The following STK11IP variants were observed in gnomAD, a reference collection of about 807,000 sequenced individuals.
The protein encoded by STK11IP is serine/threonine kinase 11 interacting protein.
STK11IP carries 103 observed loss-of-function variants against 131.7 expected under a neutral mutation model. That is an observed-to-expected ratio of 0.78 (90% CI 0.67 to 0.92). The LOEUF is 0.92. Ranked by LOEUF, STK11IP falls within the 40% of genes least tolerant of loss-of-function variation. The pLI is 0.00. For missense variants in STK11IP, 1,315 were observed against 1,385.7 expected (o/e 0.95, Z 0.81); for synonymous variants, 557 against 575.6 (o/e 0.97, Z 0.46).
In STK11IP at chr2:219,601,626, T is replaced by TG. The variant is rs761461865; in HGVS notation, c.268-15_268-14insG. The TG allele has an allele frequency of 1.0e-5, 16 of 1,560,102 alleles. No homozygotes were observed. Among genetic ancestry groups the TG allele is most frequent in the Non-Finnish European group, 1.2e-5 (14 of 1,151,900 alleles). On this transcript the variant is annotated splice_polypyrimidine_tract_variant and intron_variant, in intron 3 of 24. Coordinates refer to ENST00000456909, the MANE Select transcript of STK11IP (RefSeq NM_052902.4). ...TGCTGTGCCTCAGTAAATTGAGTTT[T>TG]TTTTTTTTTTTCAGCTGGTCCATGT...
In STK11IP at chr2:219,602,452, C is replaced by A; in HGVS notation, c.439-16C>A. The A allele has an allele frequency of 6.3e-7, 1 of 1,591,502 alleles. No homozygotes were observed. Among genetic ancestry groups the A allele is most frequent in the Non-Finnish European group, 8.6e-7 (1 of 1,160,782 alleles). On this transcript the variant is annotated splice_polypyrimidine_tract_variant and intron_variant, in intron 5 of 24. Transcript: ENST00000456909. ...AGGGGAGGGTGGGGTAATGAAGCAC[C>A]CATCTGTCTGCTCAGGAGCTCCTCT...
chr2:219,602,498 T>C lies in STK11IP; in HGVS notation c.469T>C (p.Cys157Arg), dbSNP rs775781511. Residue 157 changes from cysteine to arginine, a missense_variant, in exon 6 of 25, where the codon TGC becomes CGC. Cys to Arg is a radical substitution (Grantham distance 180). Transcript: ENST00000456909. ...ELLSACGGDF[C>R]SALPWLALLS... ...CCTCTCAGCCTGCGGCGGCGACTTC[T>C]GCTCTGCCCTCCCTTGGCTGGCTCT... 4.3e-6 allele frequency: 7 copies of C among 1,613,882 alleles called. No homozygotes were observed. The highest frequency in any genetic ancestry group is 5.9e-6 in the Non-Finnish European group (7 of 1,179,886).
intron 19 of STK11IP, 66 bp from the exon 20 acceptor site, chr2:219,613,062 C>A: frequency 1.5e-6 from 2 of 1,374,248 alleles, no homozygotes; most frequent in Non-Finnish European, 2.0e-6. Context: ...AGGAACTCGG[C>A]TTTCAGTCTG....
rs1263329102 is a variant in STK11IP at position 219,601,674 on chromosome 2, C to T, written c.301C>T (p.Pro101Ser). The change falls in exon 4 of 25, where the codon CCC (proline) becomes TCC (serine). Residue 101 changes from proline to serine, a missense_variant. Coordinates refer to ENST00000456909, the MANE Select transcript of STK11IP (RefSeq NM_052902.4). ...TGTTGCTGGTCCTGGCCCCACAGGG[C>T]CCATCAAGATTTTCCCCTTCAAATC... Reference protein sequence around the residue: ...VHVAGPGPTGPIKIFPFKSLR... With the variant: ...VHVAGPGPTGSIKIFPFKSLR... 3.7e-6 allele frequency: 6 copies of T among 1,601,482 alleles called. No homozygotes were observed. The highest frequency in any genetic ancestry group is 2.6e-6 in the Non-Finnish European group (3 of 1,174,568).
Position 219,615,236 on chromosome 2 carries a change from G to C in STK11IP, c.3012G>C (p.Pro1004=), listed in dbSNP as rs377313932. 7.5e-6 allele frequency: 12 copies of C among 1,595,056 alleles called. No individual in the cohort carries two copies. Among genetic ancestry groups the C allele is most frequent in the East Asian group, 6.7e-5 (3 of 44,480 alleles). ...CTGAGAAGGTGCCTCCCTCGGGGCCGGGCCCTGCTGTGCGTGTCAGGGAGC... is the reference window on the plus strand; with the variant it reads ...CTGAGAAGGTGCCTCCCTCGGGGCCCGGCCCTGCTGTGCGTGTCAGGGAGC... ...EASEKVPPSG[P]GPAVRVREQQ... Residue 1004 remains proline, a synonymous_variant, in exon 24 of 25, where the codon CCG becomes CCC. Coordinates refer to ENST00000456909, the MANE Select transcript of STK11IP (RefSeq NM_052902.4).
chr2:219,612,371 C>T (rs373670440), intron 19 of STK11IP, among the ~76,000 whole-genome samples: 4 of 152,210 alleles, frequency 2.6e-5, no homozygotes, highest in South Asian at 2.1e-4. Context: ...CACATGATGT[C>T]GTTAGGCCTT....
chr2:219,602,893 C>T, intron 7 of STK11IP, 117 bp downstream of exon 7: 1 of 988,796 alleles, frequency 1.0e-6, no homozygotes. Context: ...GGTGGAGCTG[C>T]ATTCTGGGAG....
At position 219,607,736 on chromosome 2, in the gene STK11IP, G is replaced by A. The variant is rs144594548; in HGVS notation, c.1220-311G>A. Among the ~76,000 whole-genome samples, 195 of 152,216 alleles carry A rather than the reference G, an allele frequency of 1.3e-3. 1 individual carries two copies. The highest frequency in any genetic ancestry group is 4.5e-3 in the African/African-American group (188 of 41,528). ...ATAAAATAATAGGATTGTGGCCAGA[G>A]AAGTTTGAGAAATGTGAGGTTGAAG... is the stretch of plus-strand genomic sequence containing the variant. On this transcript the variant is annotated intron_variant, in intron 13 of 24. Coordinates refer to ENST00000456909, the MANE Select transcript of STK11IP (RefSeq NM_052902.4).
chr2:219,605,441 T>C, intron 7 of STK11IP, 167 bp from the exon 8 acceptor site: 1 of 645,058 alleles, frequency 1.6e-6, no homozygotes. Context: ...GTGCTGGTGT[T>C]GTTCAAGTCT....
In STK11IP at chr2:219,601,326, A is replaced by G. The variant is rs543870019; in HGVS notation, c.153A>G (p.Pro51=). The G allele has an allele frequency of 1.5e-5, 24 of 1,614,050 alleles. No individual in the cohort carries two copies. In the East Asian group the frequency reaches 4.2e-4, roughly 28 times the overall value. ...LNHVFELHLG[P]WGPGQTGFVA... is the part of the protein sequence containing the mutation. ...ACGTATTTGAGCTGCACCTGGGGCC[A>G]TGGGGCCCTGGCCAGACAGGCTTTG... Residue 51 remains proline, a synonymous_variant, in exon 3 of 25, where the codon CCA becomes CCG. Coordinates refer to ENST00000456909, the MANE Select transcript of STK11IP (RefSeq NM_052902.4).
rs201253890 is a variant in STK11IP, at chr2:219,605,733, T to G, written c.744T>G (p.His248Gln). The change falls in exon 8 of 25, where the codon CAT (histidine) becomes CAG (glutamine). Residue 248 changes from histidine to glutamine, a missense_variant and splice_region_variant. Coordinates refer to ENST00000456909, the MANE Select transcript of STK11IP (RefSeq NM_052902.4). ...GAGGCAATGAGCTTCGGAGCCTGCA[T>G]GGTGAGTGGGGGTGTGTGATGGGGC... ...ILRGNELRSL[H>Q]GLEQLRNLRH... 119 of 1,596,700 alleles carry G rather than the reference T, an allele frequency of 7.5e-5. No individual in the cohort carries two copies. The highest frequency in any genetic ancestry group is 5.0e-5 in the Non-Finnish European group (59 of 1,172,126).
Position 219,615,250 on chromosome 2 carries a change from G to A in STK11IP, c.3026G>A (p.Arg1009His), listed in dbSNP as rs1191092033. ...VPPSGPGPAV[R>H]VREQQPLSSL... ...CCCTCGGGGCCGGGCCCTGCTGTGC[G>A]TGTCAGGGAGCAGCAGCCACTCAGC... Residue 1009 changes from arginine (R) to histidine (H), a missense_variant, in exon 24 of 25, where the codon CGT becomes CAT. Coordinates refer to ENST00000456909, the MANE Select transcript of STK11IP (RefSeq NM_052902.4). 7 of 1,596,978 alleles carry A rather than the reference G, an allele frequency of 4.4e-6. No homozygotes were observed. Among genetic ancestry groups the A allele is most frequent in the Non-Finnish European group, 4.2e-6 (5 of 1,176,946 alleles).
In STK11IP at chr2:219,608,742, C is replaced by T; in HGVS notation, c.1763C>T (p.Ala588Val). The T allele has an allele frequency of 6.2e-7, 1 of 1,612,146 alleles. No individual in the cohort carries two copies. The highest frequency in any genetic ancestry group is 8.5e-7 in the Non-Finnish European group (1 of 1,179,376). ...ERLELQSLEAAEIEPEAQAQR... is the reference protein window; with the variant it reads ...ERLELQSLEAVEIEPEAQAQR... ...CTGGAGCTCCAGAGTCTGGAGGCAGCTGAGATAGAGCCGGAGGCCCAGGCC... is the reference window on the plus strand; with the variant it reads ...CTGGAGCTCCAGAGTCTGGAGGCAGTTGAGATAGAGCCGGAGGCCCAGGCC... Residue 588 changes from alanine (A) to valine (V), a missense_variant, in exon 15 of 25, where the codon GCT becomes GTT. Transcript: ENST00000456909.
At chr2:219,601,964 C>G in intron 4 of STK11IP, 24 bp from the exon 5 acceptor site, 1 of 1,589,112 alleles carries the variant, frequency 6.3e-7, no homozygotes, top group Non-Finnish European at 8.6e-7. Flanking sequence ...TTCTGCCTTC[C>G]TCCCTCCTCT....
chr2:219,609,045 C>G, intron 15 of STK11IP, 52 bp from the exon 16 acceptor site: 1 of 1,398,736 alleles, frequency 7.1e-7, no homozygotes, highest in East Asian at 2.5e-5. Context: ...CCCCTCATCC[C>G]TCTGATCACC....
At chr2:219,602,179 C>T in intron 5 of STK11IP, 96 bp downstream of exon 5, 1 of 911,682 alleles carries the variant, frequency 1.1e-6, no homozygotes, top group South Asian at 1.4e-5. Context: ...CTCCCTGCCT[C>T]CTGCTTCCCT....
chr2:219,598,140 C>A lies in STK11IP; in HGVS notation c.21C>A (p.Asp7Glu). The change falls in exon 2 of 25, where the codon GAC (aspartate) becomes GAA (glutamate). Residue 7 changes from aspartate (D) to glutamate (E), a missense_variant. Coordinates refer to ENST00000456909, the MANE Select transcript of STK11IP (RefSeq NM_052902.4). MTTAQR[D>E]SLLWKLAGLL... ...TGGCCATGACGACCGCTCAGAGGGACTCCCTGTTGTGGAAGCTCGCGGGGT... is the reference window on the plus strand; with the variant it reads ...TGGCCATGACGACCGCTCAGAGGGAATCCCTGTTGTGGAAGCTCGCGGGGT... The A allele has an allele frequency of 1.3e-6, 2 of 1,588,774 alleles. No individual in the cohort carries two copies. Among genetic ancestry groups the A allele is most frequent in the South Asian group, 1.1e-5 (1 of 87,236 alleles).
Position 219,608,259 on chromosome 2 carries a change from G to A in STK11IP, c.1432G>A (p.Gly478Ser). The change falls in exon 14 of 25, where the codon GGC (glycine) becomes AGC (serine). Residue 478 changes from glycine (G) to serine (S), a missense_variant. Gly to Ser is a moderately conservative substitution (Grantham distance 56). Transcript: ENST00000456909. The stretch of plus-strand genomic sequence containing the variant: ...TTCACCCCCGCAGGAGGAAGCCAGA[G>A]GCCCCCAGGAGTCACCACAGAAAAT... Reference protein sequence around the residue: ...RPSPPQEEARGPQESPQKMSE... With the variant: ...RPSPPQEEARSPQESPQKMSE... The A allele has an allele frequency of 6.2e-7, 1 of 1,613,542 alleles. No individual in the cohort carries two copies. Among genetic ancestry groups the A allele is most frequent in the African/African-American group, 1.3e-5 (1 of 75,054 alleles).
rs775090819 is a variant in STK11IP at position 219,616,221 on chromosome 2, C to T, written c.*28C>T. On this transcript the variant is annotated 3_prime_UTR_variant, in exon 25 of 25. Coordinates refer to ENST00000456909, the MANE Select transcript of STK11IP (RefSeq NM_052902.4). ...GTCCCACGCTGACCTTGGCCCTGAC[C>T]TCAGGAGCCACGCTGTAGACATTCC... The T allele has an allele frequency of 5.0e-6, 8 of 1,604,598 alleles. No homozygotes were observed. Among genetic ancestry groups the T allele is most frequent in the South Asian group, 1.1e-5 (1 of 89,770 alleles).
Sources: allele counts gnomAD v4.1 joint callset (sites outside exome capture counted in the v4.1 genomes callset), GRCh38; gene constraint gnomAD v4.1.1; transcripts MANE v1.5; gene names NCBI Gene and HGNC (gene_info 2026-07-23, HGNC 2026-07-21).